CAMKMT: variants seen among roughly 807,000 people sequenced by gnomAD.
CAMKMT encodes CaM KMT.
CAMKMT carries 53 observed loss-of-function variants against 48.0 expected under a neutral mutation model. That is an observed-to-expected ratio of 1.10 (90% CI 0.89 to 1.39). The LOEUF (loss-of-function observed/expected upper bound fraction) is 1.39, where lower values mean the gene tolerates loss of function less well. CAMKMT is among the 40% of genes most tolerant of loss of function. The probability of loss-of-function intolerance (pLI) is 0.00; values close to 1 mark genes in which losing one functional copy is unlikely to be tolerated. For synonymous variants in CAMKMT, 165 were observed against 152.3 expected, an observed-to-expected ratio of 1.08 and a Z score of -0.61; for missense variants, 428 against 402.7, an observed-to-expected ratio of 1.06 and a Z score of -0.54.
At chr2:44,538,058 C>T (rs1666878694) in intron 3 of CAMKMT, among the ~76,000 whole-genome samples, 1 of 152,092 alleles carries the variant, frequency 6.6e-6, no homozygotes, top group Non-Finnish European at 1.5e-5. Flanking sequence ...TCTAAGTGCC[C>T]ACCAATCAAT....
At chr2:44,511,132 T>C (rs190503980) in intron 3 of CAMKMT, among the ~76,000 whole-genome samples, 2,201 of 151,878 alleles carry the variant, frequency 0.014, 50 homozygotes, top group African/African-American at 0.051. Flanking sequence ...TGAGCCACTG[T>C]GCCTGGCCCA....
intron 7 of CAMKMT, among the ~76,000 whole-genome samples, chr2:44,717,381 A>T (rs994872566): frequency 3.9e-5 from 6 of 152,126 alleles, no homozygotes; most frequent in Non-Finnish European, 8.8e-5. Flanking sequence ...CCTTGATCTT[A>T]TATTAAGGAG....
At chr2:44,609,245 T>C (rs116742592) in intron 3 of CAMKMT, among the ~76,000 whole-genome samples, 54 of 152,282 alleles carry the variant, frequency 3.5e-4, no homozygotes, top group Non-Finnish European at 6.8e-4. Flanking sequence ...GAACACATAA[T>C]TACAGTTAAA....
At chr2:44,744,377 T>C (rs1488322739) in intron 8 of CAMKMT, among the ~76,000 whole-genome samples, 1 of 152,210 alleles carries the variant, frequency 6.6e-6, no homozygotes, top group Non-Finnish European at 1.5e-5. Context: ...TACTTATTTG[T>C]TAATGAAAGT....
intron 3 of CAMKMT, among the ~76,000 whole-genome samples, chr2:44,523,326 T>A (rs1217648321): frequency 6.9e-6 from 1 of 143,892 alleles, no homozygotes; most frequent in Non-Finnish European, 1.5e-5. Flanking sequence ...AGAGTCTCAC[T>A]CTGTCGCCCA....
chr2:44,598,355 C>A (rs975926737), intron 3 of CAMKMT, among the ~76,000 whole-genome samples: 1 of 151,882 alleles, frequency 6.6e-6, no homozygotes, highest in Non-Finnish European at 1.5e-5. Context: ...TCACAAAAAC[C>A]AAGTTATGCA....
chr2:44,490,307 C>T (rs1669427285), intron 3 of CAMKMT, among the ~76,000 whole-genome samples: 1 of 151,938 alleles, frequency 6.6e-6, no homozygotes, highest in South Asian at 2.1e-4. Context: ...TGGAGTTTTG[C>T]TCTCGTTGCC....
chr2:44,363,382 TC>T (rs1228621383), intron 1 of CAMKMT, among the ~76,000 whole-genome samples: 44 of 151,620 alleles, frequency 2.9e-4, no homozygotes, highest in South Asian at 2.3e-3. Context: ...CCTTCCCCCC[TC>T]CTTTTTTTTT....
At chr2:44,526,006 C>G (rs536353335) in intron 3 of CAMKMT, among the ~76,000 whole-genome samples, 312 of 152,208 alleles carry the variant, frequency 2.0e-3, no homozygotes, top group African/African-American at 7.0e-3. Flanking sequence ...TATCCCTCCC[C>G]TCTCTGGATT....
At chr2:44,418,328 T>A (rs916938946) in intron 3 of CAMKMT, among the ~76,000 whole-genome samples, 1 of 152,156 alleles carries the variant, frequency 6.6e-6, no homozygotes, top group Non-Finnish European at 1.5e-5. Flanking sequence ...TTTTTATGTG[T>A]TCTTCTAGAA....
At chr2:44,521,999 T>TTTTC (rs1224767332) in intron 3 of CAMKMT, among the ~76,000 whole-genome samples, 5 of 151,688 alleles carry the variant, frequency 3.3e-5, no homozygotes, top group Admixed American at 6.6e-5. Flanking sequence ...TTTTCTCTTC[T>TTTTC]TTTCTTTCTT....
At chr2:44,768,361 A>ATATATATATATATATATTTTT (rs35058824) in intron 10 of CAMKMT, among the ~76,000 whole-genome samples, 4 of 115,728 alleles carry the variant, frequency 3.5e-5, no homozygotes, top group African/African-American at 1.5e-4. Context: ...ATATATATAT[A>ATATATATATATATATATTTTT]TTTTTTTTTT....
rs35274605 is a variant in CAMKMT at position 44,651,597 on chromosome 2, GT to G, written c.377-52681del. On this transcript the variant is annotated intron_variant, in intron 3 of 10. Coordinates refer to ENST00000378494, the MANE Select transcript of CAMKMT (RefSeq NM_024766.5). ...CTTAAATAAATAAGTAAAGTTGCATGTTTTTAGAAAGTGGCATCTATGATTG... is the reference window on the plus strand; with the variant it reads ...CTTAAATAAATAAGTAAAGTTGCATGTTTTAGAAAGTGGCATCTATGATTG... Among the ~76,000 whole-genome samples, 592 of 152,260 alleles carry G rather than the reference GT, an allele frequency of 3.9e-3. 3 individuals are homozygous for G. Among genetic ancestry groups the G allele is most frequent in the African/African-American group, 0.013 (560 of 41,550 alleles).
intron 3 of CAMKMT, among the ~76,000 whole-genome samples, chr2:44,625,345 T>C (rs1360760577): frequency 1.3e-5 from 2 of 152,182 alleles, no homozygotes; most frequent in Non-Finnish European, 1.5e-5. Context: ...ATTGGATACC[T>C]TTTTATTAAA....
Position 44,528,612 on chromosome 2 carries a change from AC to A in CAMKMT, c.376+138308del, listed in dbSNP as rs1259678003. Among the ~76,000 whole-genome samples the A allele has an allele frequency of 3.3e-5, 5 of 152,276 alleles. No homozygotes were observed. The East Asian group carries it at 9.6e-4, about 29-fold the overall frequency. Reference sequence around the variant, plus strand: ...ATTTAAATTCCCCCAATAATTCATAACTTTTTCTTTATTGTCAGTTTGTTTG... The same window carrying A: ...ATTTAAATTCCCCCAATAATTCATAATTTTTCTTTATTGTCAGTTTGTTTG... On this transcript the variant is annotated intron_variant, in intron 3 of 10. Coordinates refer to ENST00000378494, the MANE Select transcript of CAMKMT (RefSeq NM_024766.5).
chr2:44,682,836 G>C (rs1000075054), intron 3 of CAMKMT, among the ~76,000 whole-genome samples: 1 of 152,132 alleles, frequency 6.6e-6, no homozygotes, highest in Non-Finnish European at 1.5e-5. Flanking sequence ...ACACAACAAT[G>C]TAAAATAAAA....
intron 3 of CAMKMT, among the ~76,000 whole-genome samples, chr2:44,677,777 C>T (rs1281703237): frequency 6.6e-6 from 1 of 152,060 alleles, no homozygotes; most frequent in Non-Finnish European, 1.5e-5. Context: ...TAACAATGCA[C>T]CTCCTTATTG....
intron 3 of CAMKMT, among the ~76,000 whole-genome samples, chr2:44,443,145 A>G (rs1032381231): frequency 1.3e-5 from 2 of 152,240 alleles, no homozygotes; most frequent in Admixed American, 1.3e-4. Context: ...ATCAAAATCT[A>G]AAGTGTGAAA....
intron 3 of CAMKMT, among the ~76,000 whole-genome samples, chr2:44,650,422 T>G (rs1398950950): frequency 6.6e-6 from 1 of 152,192 alleles, no homozygotes; most frequent in Non-Finnish European, 1.5e-5. Context: ...GGTCATATTT[T>G]GAGGTATTGT....
Sources: gnomAD v4.1 joint callset for allele counts (sites outside exome capture counted in the v4.1 genomes callset) on GRCh38, gnomAD v4.1.1 for gene constraint, MANE v1.5 for transcripts, NCBI Gene and HGNC (gene_info 2026-07-23, HGNC 2026-07-21) for gene names.